FRMD4A: variants seen among roughly 807,000 people sequenced by gnomAD.
FRMD4A encodes the protein FERM domain-containing protein 4A.
In FRMD4A, 29 loss-of-function variants were observed where a neutral mutation model predicts 129.1. The ratio of observed to expected loss-of-function variants is 0.22; its 90% CI spans 0.17 to 0.31. The LOEUF is 0.31. FRMD4A is among the 10% of genes least tolerant of loss of function. The probability of loss-of-function intolerance (pLI) is 1.00; values close to 1 mark genes in which losing one functional copy is unlikely to be tolerated. For synonymous variants in FRMD4A, 634 were observed against 571.6 expected (o/e 1.11, Z -1.56); for missense variants, 1,272 against 1,375.8 (o/e 0.92, Z 1.19).
intron 15 of FRMD4A, chr10:13,685,407 G>C (rs1478138259): frequency 3.0e-6 from 3 of 984,938 alleles, no homozygotes; most frequent in Non-Finnish European, 3.6e-6. Flanking sequence ...TAAAAAATTA[G>C]CAGCATCCAG....
chr10:13,943,802 T>C (rs991158068), intron 2 of FRMD4A, among the ~76,000 whole-genome samples: 17 of 152,148 alleles, frequency 1.1e-4, no homozygotes, highest in African/African-American at 4.1e-4. Flanking sequence ...CAAATATTGC[T>C]TATGTCTTTA....
intron 12 of FRMD4A, among the ~76,000 whole-genome samples, chr10:13,714,066 T>TAC (rs2088519427): frequency 1.1e-5 from 1 of 89,612 alleles, no homozygotes; most frequent in Non-Finnish European, 2.2e-5. Context: ...ATATAAAATA[T>TAC]ACTTTTTTTT....
At chr10:14,286,181 G>T (rs1182484115) in intron 2 of FRMD4A, among the ~76,000 whole-genome samples, 1 of 152,160 alleles carries the variant, frequency 6.6e-6, no homozygotes, top group Non-Finnish European at 1.5e-5. Context: ...TTTGTGTTTG[G>T]CTGGCTGAGA....
chr10:13,848,715 T>C (rs1235077147), intron 3 of FRMD4A, among the ~76,000 whole-genome samples: 1 of 152,012 alleles, frequency 6.6e-6, no homozygotes, highest in East Asian at 1.9e-4. Context: ...TCACAGCCTC[T>C]TGGGGAGACT....
chr10:13,900,603 T>C (rs1450644756), intron 2 of FRMD4A, among the ~76,000 whole-genome samples: 3 of 152,124 alleles, frequency 2.0e-5, no homozygotes, highest in African/African-American at 7.2e-5. Context: ...AAATATGTAT[T>C]AATAAAAATA....
intron 9 of FRMD4A, among the ~76,000 whole-genome samples, chr10:13,742,502 C>T (rs1443740616): frequency 6.6e-6 from 1 of 152,186 alleles, no homozygotes; most frequent in African/African-American, 2.4e-5. Flanking sequence ...CCCTCGAGAT[C>T]TCAATAGAGG....
chr10:13,978,027 G>A (rs540286440), intron 2 of FRMD4A, among the ~76,000 whole-genome samples: 2 of 152,112 alleles, frequency 1.3e-5, no homozygotes, highest in African/African-American at 2.4e-5. Flanking sequence ...GGAATTGCTG[G>A]GTCAGATGGT....
intron 5 of FRMD4A, among the ~76,000 whole-genome samples, chr10:13,789,079 G>A (rs2092933481): frequency 6.6e-6 from 1 of 152,194 alleles, no homozygotes; most frequent in African/African-American, 2.4e-5. Flanking sequence ...TACTCTTGGT[G>A]GCAAATAAGA....
intron 2 of FRMD4A, among the ~76,000 whole-genome samples, chr10:14,243,701 A>T (rs1355878156): frequency 6.6e-6 from 1 of 152,112 alleles, no homozygotes; most frequent in African/African-American, 2.4e-5. Context: ...TCAATTTCAG[A>T]AGACAGAAAA....
At chr10:13,985,136 C>A (rs2095576374) in intron 2 of FRMD4A, among the ~76,000 whole-genome samples, 1 of 152,246 alleles carries the variant, frequency 6.6e-6, no homozygotes, top group Non-Finnish European at 1.5e-5. Context: ...CTCACCCTGA[C>A]CTTTCCTCCG....
intron 2 of FRMD4A, among the ~76,000 whole-genome samples, chr10:14,243,607 G>T (rs1395439830): frequency 2.0e-5 from 3 of 152,050 alleles, no homozygotes; most frequent in African/African-American, 7.2e-5. Context: ...CGGTGGTCAA[G>T]TTCATAGAGA....
chr10:13,933,082 T>A (rs577140875), intron 2 of FRMD4A, among the ~76,000 whole-genome samples: 4 of 151,846 alleles, frequency 2.6e-5, no homozygotes, highest in African/African-American at 9.7e-5. Context: ...AATTGCTTGA[T>A]CCTGTGAGGC....
At chr10:13,917,954 C>T (rs990882022) in intron 2 of FRMD4A, among the ~76,000 whole-genome samples, 3 of 152,124 alleles carry the variant, frequency 2.0e-5, no homozygotes, top group African/African-American at 4.8e-5. Context: ...TGTGGGCAAG[C>T]GCACTGTCAA....
chr10:14,159,500 C>T (rs1840769772), intron 2 of FRMD4A, among the ~76,000 whole-genome samples: 1 of 151,984 alleles, frequency 6.6e-6, no homozygotes, highest in African/African-American at 2.4e-5. Flanking sequence ...TGAACATATC[C>T]CATGCTTATG....
At chr10:14,153,494 G>A (rs1589087418) in intron 2 of FRMD4A, among the ~76,000 whole-genome samples, 2 of 152,128 alleles carry the variant, frequency 1.3e-5, no homozygotes. Flanking sequence ...CCAGGCAACC[G>A]CAGCAACCAA....
intron 2 of FRMD4A, among the ~76,000 whole-genome samples, chr10:13,912,050 A>G (rs2131228998): frequency 6.6e-6 from 1 of 152,274 alleles, no homozygotes; most frequent in African/African-American, 2.4e-5. Context: ...AATGCAACCC[A>G]GTTTCCCAAA....
intron 2 of FRMD4A, among the ~76,000 whole-genome samples, chr10:14,286,637 G>A (rs1034030040): frequency 1.3e-5 from 2 of 152,126 alleles, no homozygotes; most frequent in African/African-American, 4.8e-5. Flanking sequence ...CAAGAGTCCT[G>A]GTGTACACCT....
intron 2 of FRMD4A, among the ~76,000 whole-genome samples, chr10:14,179,294 G>A (rs1237187328): frequency 6.6e-6 from 1 of 152,140 alleles, no homozygotes; most frequent in Non-Finnish European, 1.5e-5. Context: ...AGAAGATTGT[G>A]ACCTAAGCAC....
chr10:14,168,138 G>A (rs1022283983), intron 2 of FRMD4A, among the ~76,000 whole-genome samples: 2 of 152,184 alleles, frequency 1.3e-5, no homozygotes, highest in African/African-American at 4.8e-5. Flanking sequence ...GCTAGCTCAT[G>A]AAAAACCTAG....
Sources: gnomAD v4.1 joint callset for allele counts (sites outside exome capture counted in the v4.1 genomes callset) on GRCh38, gnomAD v4.1.1 for gene constraint, MANE v1.5 for transcripts, NCBI Gene and HGNC (gene_info 2026-07-23, HGNC 2026-07-21) for gene names.